VWDE: variants seen among roughly 807,000 people sequenced by gnomAD.
VWDE encodes the protein von Willebrand factor D and EGF domain-containing protein.
VWDE carries 207 observed loss-of-function variants against 178.4 expected under a neutral mutation model. That is an observed-to-expected ratio of 1.16 (90% CI 1.04 to 1.30). The LOEUF (loss-of-function observed/expected upper bound fraction) is 1.30, where lower values mean the gene tolerates loss of function less well. Among genes scored for constraint, VWDE ranks in the 50% most tolerant of loss-of-function variants. The pLI, the probability that VWDE is intolerant of heterozygous loss-of-function variation, is 0.00. For missense variants in VWDE, 2,287 were observed against 1,901.3 expected, an observed-to-expected ratio of 1.20 and a Z score of -3.77; for synonymous variants, 738 against 651.4, an observed-to-expected ratio of 1.13 and a Z score of -2.02.
In VWDE at chr7:12,331,168, T is replaced by C. The variant is rs1059002; in HGVS notation, c.*15A>G. ...TCTTAAGATACAGGCTTGTAATTCA[T>C]ATACTTGATGCTACTCAATGGCGTC... On this transcript the variant is annotated 3_prime_UTR_variant, in exon 29 of 29. Coordinates refer to ENST00000275358, the MANE Select transcript of VWDE (RefSeq NM_001135924.3). The C allele has an allele frequency of 0.6, 912,358 of 1,530,684 alleles. 276,832 individuals carry two copies. The highest frequency in any genetic ancestry group is 0.89 in the African/African-American group (64,524 of 72,354). 94.8% of individuals were successfully genotyped at this position (1,530,684 alleles called of 1,614,324 possible).
rs1438868032 is a variant in VWDE, at chr7:12,331,156, G to T, written c.*27C>A. ...AAATATTTCCATTCTTAAGATACAGGCTTGTAATTCATATACTTGATGCTA... is the reference window on the plus strand; with the variant it reads ...AAATATTTCCATTCTTAAGATACAGTCTTGTAATTCATATACTTGATGCTA... On this transcript the variant is annotated 3_prime_UTR_variant, in exon 29 of 29. Coordinates refer to ENST00000275358, the MANE Select transcript of VWDE (RefSeq NM_001135924.3). 2.0e-6 allele frequency: 3 copies of T among 1,527,760 alleles called. No individual in the cohort carries two copies. Among genetic ancestry groups the T allele is most frequent in the Non-Finnish European group, 2.6e-6 (3 of 1,132,460 alleles). 94.6% of individuals were successfully genotyped at this position (1,527,760 alleles called of 1,614,324 possible). A position where few individuals can be genotyped will look rare whatever the true frequency, so the allele number is the denominator to read the frequency against.
At chr7:12,368,610 G>T (rs761215502) in intron 12 of VWDE, among the ~76,000 whole-genome samples, 1 of 152,052 alleles carries the variant, frequency 6.6e-6, no homozygotes, top group South Asian at 2.1e-4. Flanking sequence ...GACTACCTAG[G>T]GTCTTCTACG....
chr7:12,381,547 C>G (rs765364614), intron 4 of VWDE, among the ~76,000 whole-genome samples: 1 of 151,976 alleles, frequency 6.6e-6, no homozygotes, highest in Non-Finnish European at 1.5e-5. Flanking sequence ...TCTGGAAAGA[C>G]CTTGAAACCT....
intron 7 of VWDE, among the ~76,000 whole-genome samples, 188 bp from the exon 8 acceptor site, chr7:12,375,415 A>C (rs886547135): frequency 6.6e-5 from 10 of 152,112 alleles, no homozygotes; most frequent in Non-Finnish European, 4.4e-5. Context: ...GATTTTTACA[A>C]AGAATTAATC....
intron 19 of VWDE, among the ~76,000 whole-genome samples, chr7:12,347,348 T>C (rs1404482764): frequency 6.6e-6 from 1 of 152,170 alleles, no homozygotes; most frequent in Non-Finnish European, 1.5e-5. Flanking sequence ...GAGCATATGT[T>C]AGCAAATGTA....
chr7:12,354,446 G>T, intron 18 of VWDE: 1 of 425,962 alleles, frequency 2.3e-6, no homozygotes, highest in South Asian at 1.7e-5. Flanking sequence ...TCAAAGCAAG[G>T]CTTGGAGTCA....
At chr7:12,336,898 A>G (rs1781063343) in intron 26 of VWDE, 90 bp downstream of exon 26, 26 of 1,280,436 alleles carry the variant, frequency 2.0e-5, no homozygotes, top group Non-Finnish European at 2.5e-5. Flanking sequence ...GACCAAGCAA[A>G]CAAAAGTGAA....
rs1273788840 is a variant in VWDE at position 12,356,207 on chromosome 7, C to A, written c.3649G>T (p.Val1217Leu). Residue 1217 changes from valine to leucine, a missense_variant, in exon 18 of 29, where the codon GTG (valine) becomes TTG (leucine). Physicochemically the swap from Val to Leu is conservative, Grantham distance 32 (BLOSUM62 1). Coordinates refer to ENST00000275358, the MANE Select transcript of VWDE (RefSeq NM_001135924.3). ...TTGGATTGGCACCCACTAATGTCCA[C>A]TTCACAAAGGCTGCCATGGAAGCCA... ...LPGFHGSLCEVDISGCQSNPC... is the reference protein window; with the variant it reads ...LPGFHGSLCELDISGCQSNPC... 3 of 1,551,584 alleles carry A rather than the reference C, an allele frequency of 1.9e-6. No homozygotes were observed. The East Asian group carries it at 7.3e-5, about 38-fold the overall frequency.
intron 2 of VWDE, among the ~76,000 whole-genome samples, chr7:12,392,049 C>G (rs1208391320): frequency 6.6e-6 from 1 of 152,134 alleles, no homozygotes; most frequent in Non-Finnish European, 1.5e-5. Flanking sequence ...TATTAGCTAC[C>G]TATCACAACT....
chr7:12,366,762 T>G (rs559152831), intron 13 of VWDE, among the ~76,000 whole-genome samples: 1 of 152,238 alleles, frequency 6.6e-6, no homozygotes, highest in Non-Finnish European at 1.5e-5. Context: ...TTGAAATTCA[T>G]AGAGTCATCC....
At position 12,370,745 on chromosome 7, in the gene VWDE, A is replaced by G. The variant is rs1270950610; in HGVS notation, c.1707T>C (p.Asp569=). 7 of 1,551,158 alleles carry G rather than the reference A, an allele frequency of 4.5e-6. No individual in the cohort carries two copies. Among genetic ancestry groups the G allele is most frequent in the East Asian group, 2.4e-5 (1 of 40,906 alleles). Residue 569 remains aspartate, a synonymous_variant, in exon 11 of 29, where the codon GAT becomes GAC. Transcript: ENST00000275358. The part of the protein sequence containing the change: ...RNTLGLCGTF[D]ENPENDFHDK... ...CATGGAAATCATTTTCCGGATTTTC[A>G]TCAAAGGTTCCACAAAGTCCCAGAG...
intron 1 of VWDE, among the ~76,000 whole-genome samples, chr7:12,399,280 TA>T (rs759005551): frequency 1.3e-5 from 2 of 152,098 alleles, no homozygotes; most frequent in East Asian, 3.9e-4. Flanking sequence ...GGTGTGGCTG[TA>T]CTACTATCAA....
chr7:12,370,919 G>A, intron 10 of VWDE, 55 bp from the exon 11 acceptor site: 10 of 1,264,506 alleles, frequency 7.9e-6, no homozygotes, highest in South Asian at 7.9e-5. Flanking sequence ...TATTCAACCT[G>A]GATTAAGAAA....
chr7:12,391,988 G>A (rs1012946142), intron 2 of VWDE, among the ~76,000 whole-genome samples: 5 of 152,138 alleles, frequency 3.3e-5, no homozygotes, highest in African/African-American at 1.2e-4. Flanking sequence ...GAACACGTTA[G>A]TAATTTGGGA....
intron 23 of VWDE, among the ~76,000 whole-genome samples, chr7:12,340,893 T>C (rs193027932): frequency 5.1e-4 from 78 of 152,316 alleles, no homozygotes; most frequent in Non-Finnish European, 9.0e-4. Flanking sequence ...AACACTGCAC[T>C]CAAGTCCTAG....
chr7:12,345,203 A>G (rs1240621362), intron 19 of VWDE, among the ~76,000 whole-genome samples: 1 of 148,814 alleles, frequency 6.7e-6, no homozygotes, highest in Admixed American at 6.6e-5. Context: ...TAAATAACTC[A>G]GCAGACCCAC....
chr7:12,352,414 A>C (rs909658842), intron 18 of VWDE, among the ~76,000 whole-genome samples: 1 of 152,194 alleles, frequency 6.6e-6, no homozygotes, highest in Admixed American at 6.5e-5. Context: ...AACAACCAAA[A>C]GTCCTTTTGT....
At chr7:12,358,608 G>A (rs1401766446) in intron 16 of VWDE, among the ~76,000 whole-genome samples, 1 of 151,902 alleles carries the variant, frequency 6.6e-6, no homozygotes, top group Non-Finnish European at 1.5e-5. Flanking sequence ...CTCCTGTTCT[G>A]CCCCTGCATA....
intron 13 of VWDE, among the ~76,000 whole-genome samples, chr7:12,365,212 T>C (rs1782795630): frequency 6.6e-6 from 1 of 152,080 alleles, no homozygotes; most frequent in African/African-American, 2.4e-5. Flanking sequence ...AGGACCATTA[T>C]TAGTTGGACA....
Sources: gnomAD v4.1 joint callset for allele counts (sites outside exome capture counted in the v4.1 genomes callset) on GRCh38, gnomAD v4.1.1 for gene constraint, MANE v1.5 for transcripts, NCBI Gene and HGNC (gene_info 2026-07-23, HGNC 2026-07-21) for gene names.